The following SMTNL2 variants were observed in gnomAD, a reference collection of about 807,000 sequenced individuals.
The protein encoded by SMTNL2 is smoothelin like 2.
SMTNL2 carries 43 observed loss-of-function variants against 44.1 expected under a neutral mutation model. That is an observed-to-expected ratio of 0.98 (90% CI 0.76 to 1.26). SMTNL2 has a LOEUF of 1.26. SMTNL2 is among the 50% of genes most tolerant of loss of function. The pLI is 0.00. For missense variants in SMTNL2, 646 were observed against 670.2 expected (o/e 0.96, Z 0.40); for synonymous variants, 317 against 287.6 (o/e 1.10, Z -1.03).
chr17:4,603,895 A>T (rs1910148123), intron 7 of SMTNL2, among the ~76,000 whole-genome samples: 1 of 152,040 alleles, frequency 6.6e-6, no homozygotes, highest in Non-Finnish European at 1.5e-5. Context: ...CCCAGGCTGG[A>T]GTGCAGTGGC....
chr17:4,602,512 G>A (rs1293874825), intron 7 of SMTNL2, among the ~76,000 whole-genome samples: 1 of 151,990 alleles, frequency 6.6e-6, no homozygotes, highest in East Asian at 1.9e-4. Flanking sequence ...TAGTAGAGAT[G>A]GGGTTTCACC....
rs1366480409 is a variant in SMTNL2, at chr17:4,592,830, T to G, written c.488-99T>G. 2 of 1,483,624 alleles carry G rather than the reference T, an allele frequency of 1.3e-6. No individual in the cohort carries two copies. Among genetic ancestry groups the G allele is most frequent in the African/African-American group, 1.4e-5 (1 of 71,342 alleles). 91.9% of individuals were successfully genotyped at this position (1,483,624 alleles called of 1,614,324 possible). A position where few individuals can be genotyped will look rare whatever the true frequency, so the allele number is the denominator to read the frequency against. The stretch of plus-strand genomic sequence containing the variant: ...GTCAGGGAGGCCTTCCTAGAGGAGG[T>G]GGGAGGAGGGCCCAGGGAGGCTAGA... On this transcript the variant is annotated intron_variant, in intron 2 of 7. Coordinates refer to ENST00000389313, the MANE Select transcript of SMTNL2 (RefSeq NM_001114974.2). This position sits in a 1 kb window ranked among gnomAD's most constrained non-coding sequence, Gnocchi z 4.5.
rs1910320829 is a variant in SMTNL2, at chr17:4,607,379, G to T, written c.1278G>T (p.Glu426Asp). The change falls in exon 8 of 8, where the codon GAG becomes GAT. Residue 426 changes from glutamate (E) to aspartate (D), a missense_variant. Transcript: ENST00000389313. The surrounding 1 kb of genome is among the most constrained non-coding windows in gnomAD (Gnocchi z 4.7). ...GTTTCAGGAATCTGGCCAACTGTGA[G>T]CGCCTCATCGAAGTGGAGGACATGA... Reference protein sequence around the residue: ...FTMAENLANCERLIEVEDMMV... With the variant: ...FTMAENLANCDRLIEVEDMMV... 1 of 1,614,036 alleles carries T rather than the reference G, an allele frequency of 6.2e-7. No individual in the cohort carries two copies. Among genetic ancestry groups the T allele is most frequent in the Non-Finnish European group, 8.5e-7 (1 of 1,180,038 alleles).
Position 4,584,885 on chromosome 17 carries a change from C to T in SMTNL2, c.280C>T (p.Pro94Ser). The T allele has an allele frequency of 2.3e-6, 3 of 1,297,172 alleles. No individual in the cohort carries two copies. In the South Asian group the frequency reaches 6.7e-5, roughly 29 times the overall value. The allele number at this position is 1,297,172 out of a possible 1,614,324, so 80.4% of individuals were successfully genotyped here. The change falls in exon 1 of 8, where the codon CCC becomes TCC. Residue 94 changes from proline to serine, a missense_variant. By Grantham distance (74) the Pro-to-Ser change is moderately conservative (BLOSUM62 -1). Transcript: ENST00000389313. ...LGLASGMSPV[P>S]GTPGTPSPPP... ...CTTGGCCAGCGGGATGTCCCCGGTG[C>T]CCGGCACTCCCGGCACGCCCAGCCC...
rs1909783081 is a variant in SMTNL2 at position 4,595,816 on chromosome 17, A to T, written c.989+489A>T. On this transcript the variant is annotated intron_variant, in intron 5 of 7. Coordinates refer to ENST00000389313, the MANE Select transcript of SMTNL2 (RefSeq NM_001114974.2). This position sits in a 1 kb window ranked among gnomAD's most constrained non-coding sequence, Gnocchi z 5.1. ...CCAGCCTGCTACTAGGTCTCGAGCG[A>T]CGGCTCCTCAGGCTCCAGCCCACCT... Among the ~76,000 whole-genome samples, 1 of 152,238 alleles carries T rather than the reference A, an allele frequency of 6.6e-6. No individual in the cohort carries two copies. The highest frequency in any genetic ancestry group is 1.5e-5 in the Non-Finnish European group (1 of 68,036).
Position 4,593,901 on chromosome 17 carries a change from A to T in SMTNL2, c.806+4A>T. On this transcript the variant is annotated splice_donor_region_variant and intron_variant, in intron 4 of 7. Coordinates refer to ENST00000389313, the MANE Select transcript of SMTNL2 (RefSeq NM_001114974.2). Reference sequence around the variant, plus strand: ...CAGCAAGCAAACACAGCAATAGGTGAGTCAGGGCCTGTGTTCCTGTGGGGT... The same window carrying T: ...CAGCAAGCAAACACAGCAATAGGTGTGTCAGGGCCTGTGTTCCTGTGGGGT... The T allele has an allele frequency of 6.2e-7, 1 of 1,613,880 alleles. No homozygotes were observed. Among genetic ancestry groups the T allele is most frequent in the Non-Finnish European group, 8.5e-7 (1 of 1,179,910 alleles).
At chr17:4,602,110 T>C (rs1186332396) in intron 7 of SMTNL2, among the ~76,000 whole-genome samples, 1 of 152,088 alleles carries the variant, frequency 6.6e-6, no homozygotes, top group Non-Finnish European at 1.5e-5. Context: ...ATATAATACT[T>C]ACCGGTTGAG....
At chr17:4,588,228 G>C (rs1028230884) in intron 1 of SMTNL2, among the ~76,000 whole-genome samples, 1 of 152,232 alleles carries the variant, frequency 6.6e-6, no homozygotes, top group Non-Finnish European at 1.5e-5. Context: ...GGATGGGCCC[G>C]TGCAGATCAG....
rs751354703 is a variant in SMTNL2, at chr17:4,595,173, C to T, written c.835C>T (p.Pro279Ser). ...ACCGCTGGTGACACCACCCCAGTCG[C>T]CCGTGTCCCCGCAGCCGCCAGCCAT... ...SPPLVTPPQS[P>S]VSPQPPAITQ... Residue 279 changes from proline (P) to serine (S), a missense_variant, in exon 5 of 8, where the codon CCC (proline) becomes TCC (serine). Coordinates refer to ENST00000389313, the MANE Select transcript of SMTNL2 (RefSeq NM_001114974.2). The surrounding 1 kb of genome is among the most constrained non-coding windows in gnomAD (Gnocchi z 5.1). 3.1e-6 allele frequency: 5 copies of T among 1,613,056 alleles called. No individual in the cohort carries two copies. Among genetic ancestry groups the T allele is most frequent in the Non-Finnish European group, 3.4e-6 (4 of 1,179,984 alleles).
Position 4,595,039 on chromosome 17 carries a change from C to T in SMTNL2, c.807-106C>T, listed in dbSNP as rs185009937. The T allele has an allele frequency of 8.7e-5, 128 of 1,477,112 alleles. 1 individual carries two copies. The highest frequency in any genetic ancestry group is 7.2e-4 in the Middle Eastern group (4 of 5,518). 91.5% of individuals were successfully genotyped at this position (1,477,112 alleles called of 1,614,324 possible). ...GGGCCTCTTCTCTGAGCGCCCATCACGGTGCAGGCTGCCTTGTCCACACTC... is the reference window on the plus strand; with the variant it reads ...GGGCCTCTTCTCTGAGCGCCCATCATGGTGCAGGCTGCCTTGTCCACACTC... On this transcript the variant is annotated intron_variant, in intron 4 of 7. Coordinates refer to ENST00000389313, the MANE Select transcript of SMTNL2 (RefSeq NM_001114974.2). The surrounding 1 kb of genome is among the most constrained non-coding windows in gnomAD (Gnocchi z 5.1).
At chr17:4,587,463 G>A (rs934534560) in intron 1 of SMTNL2, among the ~76,000 whole-genome samples, 6 of 152,214 alleles carry the variant, frequency 3.9e-5, no homozygotes, top group African/African-American at 1.4e-4. Context: ...TGACCAGCAC[G>A]ATGTGATCAA....
In SMTNL2 at chr17:4,595,308, C is replaced by G; in HGVS notation, c.970C>G (p.Gln324Glu). Residue 324 changes from glutamine (Q) to glutamate (E), a missense_variant, in exon 5 of 8, where the codon CAG (glutamine) becomes GAG (glutamate). Physicochemically the swap from Gln to Glu is conservative, Grantham distance 29. Transcript: ENST00000389313. This position sits in a 1 kb window ranked among gnomAD's most constrained non-coding sequence, Gnocchi z 5.1. Reference protein sequence around the residue: ...ARKALFEKWEQETAAGKGKGE... With the variant: ...ARKALFEKWEEETAAGKGKGE... Reference sequence around the variant, plus strand: ...GAAAGCATTGTTTGAGAAGTGGGAGCAGGAAACGGCGGCCGGCAAGTACGG... The same window carrying G: ...GAAAGCATTGTTTGAGAAGTGGGAGGAGGAAACGGCGGCCGGCAAGTACGG... 1 of 1,612,670 alleles carries G rather than the reference C, an allele frequency of 6.2e-7. No individual in the cohort carries two copies. Among genetic ancestry groups the G allele is most frequent in the Non-Finnish European group, 8.5e-7 (1 of 1,179,460 alleles).
chr17:4,591,711 G>T (rs1309208554), intron 1 of SMTNL2, among the ~76,000 whole-genome samples: 3 of 152,202 alleles, frequency 2.0e-5, no homozygotes, highest in African/African-American at 7.2e-5. Context: ...TCACATGGGT[G>T]GGTGGCAGCA....
chr17:4,584,642 G>A lies in SMTNL2; in HGVS notation c.37G>A (p.Val13Met). 7.9e-7 allele frequency: 1 copy of A among 1,265,652 alleles called. No homozygotes were observed. The highest frequency in any genetic ancestry group is 9.9e-7 in the Non-Finnish European group (1 of 1,007,868). 78.4% of individuals were successfully genotyped at this position (1,265,652 alleles called of 1,614,324 possible). A position where few individuals can be genotyped will look rare whatever the true frequency, so the allele number is the denominator to read the frequency against. ...CCCCGACGCCCAGGAGGCGCGCACTGTGCGCGAGGCGCTGGGCCGCTACGA... is the reference window on the plus strand; with the variant it reads ...CCCCGACGCCCAGGAGGCGCGCACTATGCGCGAGGCGCTGGGCCGCTACGA... Reference protein sequence around the residue: ...PAPDAQEARTVREALGRYEAA... With the variant: ...PAPDAQEARTMREALGRYEAA... The change falls in exon 1 of 8, where the codon GTG (valine) becomes ATG (methionine). Residue 13 changes from valine (V) to methionine (M), a missense_variant. By Grantham distance (21) the Val-to-Met change is conservative (BLOSUM62 1). Transcript: ENST00000389313.
rs889990194 is a variant in SMTNL2 at position 4,595,886 on chromosome 17, C to T, written c.989+559C>T. On this transcript the variant is annotated intron_variant, in intron 5 of 7. Coordinates refer to ENST00000389313, the MANE Select transcript of SMTNL2 (RefSeq NM_001114974.2). This position sits in a 1 kb window ranked among gnomAD's most constrained non-coding sequence, Gnocchi z 5.1. ...TCGTGTCAGTGCATGGTATTGATGC[C>T]TGCTGTGTGCAGAGTGTGGCCCAAG... 1.3e-5 allele frequency among the ~76,000 whole-genome samples: 2 copies of T among 152,060 alleles called. No individual in the cohort carries two copies. Among genetic ancestry groups the T allele is most frequent in the African/African-American group, 4.8e-5 (2 of 41,422 alleles).
Position 4,607,829 on chromosome 17 carries a change from C to T in SMTNL2, c.*342C>T, listed in dbSNP as rs992657798. On this transcript the variant is annotated 3_prime_UTR_variant, in exon 8 of 8. Coordinates refer to ENST00000389313, the MANE Select transcript of SMTNL2 (RefSeq NM_001114974.2). The surrounding 1 kb of genome is among the most constrained non-coding windows in gnomAD (Gnocchi z 4.7). Reference sequence around the variant, plus strand: ...TCTACAATTTTCCCTCTGGTGAATTCGATACATCGGCTTTACAGGGTTACA... The same window carrying T: ...TCTACAATTTTCCCTCTGGTGAATTTGATACATCGGCTTTACAGGGTTACA... The T allele has an allele frequency of 5.0e-6, 1 of 200,200 alleles. No individual in the cohort carries two copies. The highest frequency in any genetic ancestry group is 1.0e-5 in the Non-Finnish European group (1 of 99,078). 12.4% of individuals were successfully genotyped at this position (200,200 alleles called of 1,614,324 possible). A position where few individuals can be genotyped will look rare whatever the true frequency, so the allele number is the denominator to read the frequency against.
At position 4,607,029 on chromosome 17, in the gene SMTNL2, A is replaced by T. The variant is rs193110016; in HGVS notation, c.1260-332A>T. On this transcript the variant is annotated intron_variant, in intron 7 of 7. Coordinates refer to ENST00000389313, the MANE Select transcript of SMTNL2 (RefSeq NM_001114974.2). This position sits in a 1 kb window ranked among gnomAD's most constrained non-coding sequence, Gnocchi z 4.7. ...GGGCCTAGGAGATCGAGGCTGCAAT[A>T]AGCTAGGATCGTGCCTCTGTACTCA... Among the ~76,000 whole-genome samples, 1 of 152,226 alleles carries T rather than the reference A, an allele frequency of 6.6e-6. No individual in the cohort carries two copies. Among genetic ancestry groups the T allele is most frequent in the African/African-American group, 2.4e-5 (1 of 41,540 alleles).
At chr17:4,601,821 G>T (rs1407993171) in intron 7 of SMTNL2, among the ~76,000 whole-genome samples, 1 of 151,882 alleles carries the variant, frequency 6.6e-6, no homozygotes, top group East Asian at 1.9e-4. Flanking sequence ...CACTTGGCCT[G>T]TTTGAATCAT....
intron 7 of SMTNL2, among the ~76,000 whole-genome samples, chr17:4,604,056 G>C (rs989264758): frequency 6.6e-6 from 1 of 152,120 alleles, no homozygotes; most frequent in Non-Finnish European, 1.5e-5. Context: ...TGTTAGCCAG[G>C]ATGGTCTCCA....
Sources: allele counts gnomAD v4.1 joint callset (sites outside exome capture counted in the v4.1 genomes callset), GRCh38; gene constraint gnomAD v4.1.1; non-coding constraint Gnocchi (gnomAD v3.1); transcripts MANE v1.5; gene names NCBI Gene and HGNC (gene_info 2026-07-23, HGNC 2026-07-21).